Variants in NOX3 observed in about 807,000 individuals in gnomAD.
The protein encoded by NOX3 is NADPH oxidase 3, also known as NADPH oxidase catalytic subunit-like 3.
In NOX3, 74 loss-of-function variants were observed where a neutral mutation model predicts 76.7. The observed-to-expected ratio is 0.96, with a 90% confidence interval of 0.80 to 1.17. The LOEUF (loss-of-function observed/expected upper bound fraction) is 1.17, where lower values mean the gene tolerates loss of function less well. NOX3 is among the 50% of genes most tolerant of loss of function. NOX3 has a pLI of 0.00. For synonymous variants in NOX3, 263 were observed against 261.1 expected (o/e 1.01, Z -0.07); for missense variants, 695 against 703.3 (o/e 0.99, Z 0.13).
chr6:155,443,595 C>T (rs1777023624), intron 4 of NOX3, among the ~76,000 whole-genome samples, 177 bp from the exon 5 acceptor site: 1 of 152,066 alleles, frequency 6.6e-6, no homozygotes, highest in Admixed American at 6.6e-5. Context: ...TTGAATACTT[C>T]CAAAGATACT....
At chr6:155,431,318 A>G (rs1409341361) in intron 7 of NOX3, among the ~76,000 whole-genome samples, 1 of 152,154 alleles carries the variant, frequency 6.6e-6, no homozygotes, top group African/African-American at 2.4e-5. Context: ...CTCACCCAAC[A>G]CAGGACATAA....
intron 7 of NOX3, among the ~76,000 whole-genome samples, chr6:155,434,789 G>A (rs1028176657): frequency 1.3e-5 from 2 of 152,108 alleles, no homozygotes; most frequent in Non-Finnish European, 2.9e-5. Flanking sequence ...GGGACTGCCG[G>A]GTATAGTTGG....
At chr6:155,399,299 A>C (rs1193739525) in intron 12 of NOX3, among the ~76,000 whole-genome samples, 1 of 152,222 alleles carries the variant, frequency 6.6e-6, no homozygotes, top group Non-Finnish European at 1.5e-5. Flanking sequence ...CAGTAACTGC[A>C]GACCTGATGG....
intron 12 of NOX3, among the ~76,000 whole-genome samples, chr6:155,402,091 A>T (rs896324814): frequency 2.6e-5 from 4 of 152,216 alleles, no homozygotes; most frequent in African/African-American, 9.6e-5. Flanking sequence ...CTTCTTGGAA[A>T]TATTTTCCTG....
intron 9 of NOX3, among the ~76,000 whole-genome samples, chr6:155,425,749 A>G (rs2114691891): frequency 6.6e-6 from 1 of 152,358 alleles, no homozygotes; most frequent in Non-Finnish European, 1.5e-5. Flanking sequence ...CCAAGATCAC[A>G]CACAAAGTTG....
intron 10 of NOX3, among the ~76,000 whole-genome samples, chr6:155,413,575 G>A (rs1447296997): frequency 2.6e-5 from 4 of 152,136 alleles, no homozygotes; most frequent in Non-Finnish European, 5.9e-5. Context: ...GGTTGGTGAT[G>A]AATACCACTA....
At chr6:155,422,965 C>G in intron 9 of NOX3, 109 bp from the exon 10 acceptor site, 2 of 1,087,618 alleles carry the variant, frequency 1.8e-6, no homozygotes, top group Non-Finnish European at 2.7e-6. Flanking sequence ...CCAGTGCATG[C>G]AGAGGTTGAC....
chr6:155,429,648 T>C (rs968030500), intron 8 of NOX3, among the ~76,000 whole-genome samples: 5 of 152,196 alleles, frequency 3.3e-5, no homozygotes, highest in Non-Finnish European at 7.3e-5. Context: ...AGGTTTCTAG[T>C]AGTGTTTATA....
At chr6:155,399,920 GCACA>G (rs1779201268) in intron 12 of NOX3, among the ~76,000 whole-genome samples, 1 of 152,326 alleles carries the variant, frequency 6.6e-6, no homozygotes, top group South Asian at 2.1e-4. Context: ...CACAGAGCTT[GCACA>G]CGCATGGGGG....
At chr6:155,423,189 C>A (rs1776713327) in intron 9 of NOX3, among the ~76,000 whole-genome samples, 1 of 152,184 alleles carries the variant, frequency 6.6e-6, no homozygotes, top group South Asian at 2.1e-4. Context: ...ATCATTGAGG[C>A]TGCTGGAAGA....
At chr6:155,441,439 C>A (rs1030843989) in intron 5 of NOX3, among the ~76,000 whole-genome samples, 8 of 152,214 alleles carry the variant, frequency 5.3e-5, no homozygotes, top group Admixed American at 2.6e-4. Flanking sequence ...AATTTCACAT[C>A]ATTCTTCCTT....
At chr6:155,395,726 A>G (rs1160120291) in intron 13 of NOX3, among the ~76,000 whole-genome samples, 152 bp from the exon 14 acceptor site, 1 of 152,190 alleles carries the variant, frequency 6.6e-6, no homozygotes, top group Admixed American at 6.5e-5. Context: ...GAATTATAAG[A>G]TGTGAGGACT....
chr6:155,434,497 TG>T (rs950676595), intron 7 of NOX3, among the ~76,000 whole-genome samples: 5 of 152,150 alleles, frequency 3.3e-5, no homozygotes, highest in African/African-American at 1.2e-4. Context: ...CTGGGAAGGA[TG>T]GGGTTGGACC....
At chr6:155,426,225 A>G (rs1776753089) in intron 9 of NOX3, among the ~76,000 whole-genome samples, 1 of 152,194 alleles carries the variant, frequency 6.6e-6, no homozygotes, top group Non-Finnish European at 1.5e-5. Flanking sequence ...AATGGAGGGA[A>G]GCAGCTCTGT....
At chr6:155,437,588 A>G (rs552079914) in intron 6 of NOX3, among the ~76,000 whole-genome samples, 1 of 152,320 alleles carries the variant, frequency 6.6e-6, no homozygotes, top group East Asian at 1.9e-4. Context: ...TAGATGAGAA[A>G]AACTATCTGT....
chr6:155,438,899 ATTAGC>A, intron 6 of NOX3, among the ~76,000 whole-genome samples: 1 of 152,336 alleles, frequency 6.6e-6, no homozygotes, highest in South Asian at 2.1e-4. Flanking sequence ...CAAAAAGGGC[ATTAGC>A]AACATTGCTG....
At chr6:155,432,416 G>A (rs1401549944) in intron 7 of NOX3, among the ~76,000 whole-genome samples, 1 of 120,090 alleles carries the variant, frequency 8.3e-6, no homozygotes, top group Non-Finnish European at 1.7e-5. Context: ...GGCGGGGGGT[G>A]GGGGCAGGAA....
At chr6:155,399,261 G>T (rs1218779717) in intron 12 of NOX3, among the ~76,000 whole-genome samples, 1 of 152,166 alleles carries the variant, frequency 6.6e-6, no homozygotes, top group Non-Finnish European at 1.5e-5. Context: ...ACTCCAATGG[G>T]CTAAGACTGC....
At chr6:155,427,961 C>T (rs149282371) in intron 9 of NOX3, among the ~76,000 whole-genome samples, 22 of 152,236 alleles carry the variant, frequency 1.4e-4, no homozygotes, top group East Asian at 3.9e-4. Context: ...AGTGCAGTGG[C>T]GCGATCTCGG....
Sources: gnomAD v4.1 joint callset for allele counts (sites outside exome capture counted in the v4.1 genomes callset) on GRCh38, gnomAD v4.1.1 for gene constraint, MANE v1.5 for transcripts, NCBI Gene and HGNC (gene_info 2026-07-23, HGNC 2026-07-21) for gene names.